NMRK1: variants seen among roughly 807,000 people sequenced by gnomAD.
NMRK1 encodes the protein NRK 1.
A neutral mutation model predicts 29.9 loss-of-function variants in NMRK1; 28 were observed. That is an observed-to-expected ratio of 0.94 (90% CI 0.69 to 1.28). The LOEUF (loss-of-function observed/expected upper bound fraction) is 1.28. Among genes scored for constraint, NMRK1 ranks in the 50% most tolerant of loss-of-function variants. NMRK1 has a pLI of 0.00. For missense variants in NMRK1, 218 were observed against 233.1 expected, an observed-to-expected ratio of 0.94 and a Z score of 0.42; for synonymous variants, 58 against 73.0, an observed-to-expected ratio of 0.79 and a Z score of 1.05.
intron 1 of NMRK1, among the ~76,000 whole-genome samples, chr9:75,085,371 C>T (rs1230009608): frequency 6.6e-6 from 1 of 152,226 alleles, no homozygotes; most frequent in Non-Finnish European, 1.5e-5. Flanking sequence ...CTTTCTATCA[C>T]TCCAAGCTGC....
intron 1 of NMRK1, among the ~76,000 whole-genome samples, chr9:75,085,743 T>G (rs1166068899): frequency 2.7e-5 from 4 of 150,410 alleles, no homozygotes; most frequent in African/African-American, 7.3e-5. Flanking sequence ...TTTTTTTTTT[T>G]TTTTTTTTTT....
At chr9:75,069,841 A>G (rs1823593058) in intron 5 of NMRK1, 28 bp from the exon 6 acceptor site, 1 of 1,611,976 alleles carries the variant, frequency 6.2e-7, no homozygotes, top group Non-Finnish European at 8.5e-7. Context: ...TTAGTTCACA[A>G]GGGTTTTTAT....
chr9:75,068,879 G>T, intron 7 of NMRK1, 117 bp downstream of exon 7: 1 of 634,198 alleles, frequency 1.6e-6, no homozygotes. Context: ...AAAAGGAGAA[G>T]CCCAGAGTGT....
At chr9:75,083,368 G>A (rs79859417) in intron 1 of NMRK1, among the ~76,000 whole-genome samples, 3,747 of 152,220 alleles carry the variant, frequency 0.025, 133 homozygotes, top group African/African-American at 0.085. Context: ...ACAGTTCAAC[G>A]TCAGGTGACC....
intron 1 of NMRK1, 96 bp from the exon 2 acceptor site, chr9:75,083,246 G>A: frequency 1.5e-6 from 1 of 686,652 alleles, no homozygotes. Flanking sequence ...AGCTGAGAGG[G>A]GAGGATGACA....
At position 75,071,857 on chromosome 9, in the gene NMRK1, T is replaced by G. The variant is rs1040809170; in HGVS notation, c.170-1815A>C. Among the ~76,000 whole-genome samples, 7 of 151,858 alleles carry G rather than the reference T, an allele frequency of 4.6e-5. No homozygotes were observed. The East Asian group carries it at 1.2e-3, about 25-fold the overall frequency. ...CACGCCCTGAGTAAGGAAGGTGAAG[T>G]GCCAACCTGCTCCACTGCACACTGC... is the stretch of plus-strand genomic sequence containing the variant. On this transcript the variant is annotated intron_variant, in intron 4 of 8. Transcript: ENST00000361092.
chr9:75,076,691 G>A (rs1385249414), intron 4 of NMRK1, among the ~76,000 whole-genome samples: 1 of 152,138 alleles, frequency 6.6e-6, no homozygotes, highest in African/African-American at 2.4e-5. Flanking sequence ...CCTGGGCAAA[G>A]TGATCCTCCC....
Position 75,082,956 on chromosome 9 carries a change from T to C in NMRK1, c.29+131A>G, listed in dbSNP as rs1587406158. 5.8e-6 allele frequency: 4 copies of C among 695,110 alleles called. No homozygotes were observed. The Admixed American group carries it at 7.3e-5, about 13-fold the overall frequency. 43.1% of individuals were successfully genotyped at this position (695,110 alleles called of 1,614,324 possible). A position where few individuals can be genotyped will look rare whatever the true frequency, so the allele number is the denominator to read the frequency against. On this transcript the variant is annotated intron_variant, in intron 2 of 8. Coordinates refer to ENST00000361092, the MANE Select transcript of NMRK1 (RefSeq NM_017881.3). ...TATGAAGCCAGTGCTCCACTGATAT[T>C]CCACAGTGGTCTGCTCTTCCCCAGG...
At chr9:75,070,101 T>G (rs1333658351) in intron 4 of NMRK1, 59 bp from the exon 5 acceptor site, 1 of 1,400,298 alleles carries the variant, frequency 7.1e-7, no homozygotes, top group Non-Finnish European at 9.9e-7. Context: ...GTGATGTGAC[T>G]TTTTGTGATG....
At chr9:75,077,330 TAGAC>T (rs1564136359) in intron 3 of NMRK1, 123 bp from the exon 4 acceptor site, 3 of 848,816 alleles carry the variant, frequency 3.5e-6, no homozygotes, top group East Asian at 2.4e-5. Flanking sequence ...TCAGCACTGA[TAGAC>T]AGTGCCATCT....
At chr9:75,062,436 G>C (rs1307232819) in intron 8 of NMRK1, among the ~76,000 whole-genome samples, 1 of 152,008 alleles carries the variant, frequency 6.6e-6, no homozygotes, top group Non-Finnish European at 1.5e-5. Context: ...CTGTACTAAA[G>C]GGTCAATGTC....
At chr9:75,084,478 A>C (rs1484093397) in intron 1 of NMRK1, among the ~76,000 whole-genome samples, 1 of 152,262 alleles carries the variant, frequency 6.6e-6, no homozygotes, top group Non-Finnish European at 1.5e-5. Context: ...ATGTGAGACA[A>C]GAATCAATAA....
At chr9:75,078,217 T>C (rs143840067) in intron 2 of NMRK1, 9 of 1,482,230 alleles carry the variant, frequency 6.1e-6, no homozygotes, top group African/African-American at 1.4e-5. Context: ...ACAGAGAATA[T>C]GAGTAGCACA....
intron 2 of NMRK1, among the ~76,000 whole-genome samples, chr9:75,079,808 CA>C (rs1242738776): frequency 6.6e-6 from 1 of 152,082 alleles, no homozygotes; most frequent in African/African-American, 2.4e-5. Flanking sequence ...GAAGGCCACC[CA>C]AAACATGTGG....
chr9:75,078,662 A>G, intron 2 of NMRK1: 1 of 622,398 alleles, frequency 1.6e-6, no homozygotes, highest in Non-Finnish European at 2.2e-6. Flanking sequence ...TCTGACAGAA[A>G]TTTAGCATCT....
At chr9:75,084,320 T>G (rs560514145) in intron 1 of NMRK1, among the ~76,000 whole-genome samples, 1 of 152,296 alleles carries the variant, frequency 6.6e-6, no homozygotes, top group South Asian at 2.1e-4. Flanking sequence ...GTTTCTATGA[T>G]CTGTGTCCAC....
At chr9:75,067,363 A>G (rs1408372922) in intron 7 of NMRK1, among the ~76,000 whole-genome samples, 1 of 150,562 alleles carries the variant, frequency 6.6e-6, no homozygotes, top group Admixed American at 6.7e-5. Context: ...GTTTTCTGCT[A>G]TCAGAGAAAA....
chr9:75,079,639 C>A (rs76197677), intron 2 of NMRK1, among the ~76,000 whole-genome samples: 3,205 of 151,988 alleles, frequency 0.021, 57 homozygotes, highest in Middle Eastern at 0.058. Flanking sequence ...TTAAACAAGC[C>A]TGCACCTAAG....
intron 6 of NMRK1, chr9:75,069,422 C>T (rs1255166460): frequency 1.3e-5 from 6 of 465,510 alleles, no homozygotes; most frequent in Non-Finnish European, 1.9e-5. Flanking sequence ...AAGCTTTGAA[C>T]TAATTGGTGT....
Sources: gnomAD v4.1 joint callset for allele counts (sites outside exome capture counted in the v4.1 genomes callset) on GRCh38, gnomAD v4.1.1 for gene constraint, MANE v1.5 for transcripts, NCBI Gene and HGNC (gene_info 2026-07-23, HGNC 2026-07-21) for gene names.